FAM83F: variants seen among roughly 807,000 people sequenced by gnomAD.
The protein encoded by FAM83F is protein FAM83F.
A neutral mutation model predicts 42.9 loss-of-function variants in FAM83F; 45 were observed. The observed-to-expected ratio is 1.05, with a 90% CI of 0.83 to 1.35. FAM83F has a LOEUF of 1.35. Among genes scored for constraint, FAM83F ranks in the 40% most tolerant of loss-of-function variants. The pLI, the probability that FAM83F is intolerant of heterozygous loss-of-function variation, is 0.00. For synonymous variants in FAM83F, 306 were observed against 298.3 expected (o/e 1.03, Z -0.27); for missense variants, 617 against 695.9 (o/e 0.89, Z 1.28).
rs754438147 is a variant in FAM83F, at chr22:40,030,783, C to T, written c.*1218C>T. ...CCGGCAGGGCGATGGGGGATCCAAG[C>T]CCTGTGGAAGAGCCATGCAGCGGAC... is the stretch of plus-strand genomic sequence containing the variant. On this transcript the variant is annotated 3_prime_UTR_variant, in exon 5 of 5. Transcript: ENST00000333407. 3.3e-5 allele frequency: 5 copies of T among 152,356 alleles called. No homozygotes were observed. Among genetic ancestry groups the T allele is most frequent in the Non-Finnish European group, 5.9e-5 (4 of 68,146 alleles). The allele number at this position is 152,356 out of a possible 1,614,324, so 9.4% of individuals were successfully genotyped here. A position where few individuals can be genotyped will look rare whatever the true frequency, so the allele number is the denominator to read the frequency against.
At chr22:40,019,026 G>A (rs1043131438) in intron 1 of FAM83F, 142 bp from the exon 2 acceptor site, 35 of 938,186 alleles carry the variant, frequency 3.7e-5, no homozygotes, top group Admixed American at 4.6e-5. Context: ...ATCGGGGGAC[G>A]TGGAACTCCA....
intron 1 of FAM83F, among the ~76,000 whole-genome samples, chr22:40,002,813 C>G (rs543008216): frequency 6.6e-6 from 1 of 152,328 alleles, no homozygotes; most frequent in Admixed American, 6.5e-5. Context: ...AAAGGGATTT[C>G]TCTGAAGAAG....
intron 3 of FAM83F, 147 bp downstream of exon 3, chr22:40,020,155 C>T: frequency 4.2e-6 from 5 of 1,199,464 alleles, no homozygotes; most frequent in Non-Finnish European, 5.6e-6. Context: ...CTGCCCAGTC[C>T]CTTCCCTCAA....
intron 1 of FAM83F, among the ~76,000 whole-genome samples, chr22:39,997,466 CT>C (rs2067377699): frequency 6.6e-6 from 1 of 152,228 alleles, no homozygotes; most frequent in African/African-American, 2.4e-5. Flanking sequence ...TTCCTGAGGG[CT>C]GACTGTGTGC....
chr22:40,015,293 T>G (rs1037096100), intron 1 of FAM83F, among the ~76,000 whole-genome samples: 10 of 152,194 alleles, frequency 6.6e-5, no homozygotes, highest in Non-Finnish European at 4.4e-5. Flanking sequence ...TACTAAGGCC[T>G]TCAGTGGATT....
At chr22:40,000,809 G>A (rs2067397122) in intron 1 of FAM83F, among the ~76,000 whole-genome samples, 1 of 152,016 alleles carries the variant, frequency 6.6e-6, no homozygotes, top group Non-Finnish European at 1.5e-5. Flanking sequence ...GGGGACAATT[G>A]ACTTTATCTA....
rs1407757398 is a variant in FAM83F at position 40,023,247 on chromosome 22, C to T, written c.1453+1284C>T. 6.6e-6 allele frequency among the ~76,000 whole-genome samples: 1 copy of T among 152,142 alleles called. No individual in the cohort carries two copies. The highest frequency in any genetic ancestry group is 2.4e-5 in the African/African-American group (1 of 41,424). ...AGGTCACAGGAAGTGGTAGTAAGGC[C>T]AGGATTCAAGACCAGGCATGGGCAC... is the stretch of plus-strand genomic sequence containing the variant. On this transcript the variant is annotated intron_variant, in intron 4 of 4. Coordinates refer to ENST00000333407, the MANE Select transcript of FAM83F (RefSeq NM_138435.4). This position sits in a 1 kb window ranked among gnomAD's most constrained non-coding sequence, Gnocchi z 4.1.
rs575537665 is a variant in FAM83F, at chr22:39,995,187, C to T, written c.145C>T (p.Arg49Trp). Residue 49 changes from arginine (R) to tryptophan (W), a missense_variant, in exon 1 of 5, where the codon CGG becomes TGG. Transcript: ENST00000333407. This position sits in a 1 kb window ranked among gnomAD's most constrained non-coding sequence, Gnocchi z 4.6. The stretch of plus-strand genomic sequence containing the variant: ...CGGCGGCGAGCAGGCCTACCGCGAG[C>T]GGCTCAAGGAGGAGCAGCTGCGGGA... ...LGGGEQAYRE[R>W]LKEEQLRDFL... 81 of 1,492,954 alleles carry T rather than the reference C, an allele frequency of 5.4e-5. No individual in the cohort carries two copies. The East Asian group carries it at 2.0e-3, about 36-fold the overall frequency. The allele number at this position is 1,492,954 out of a possible 1,614,324, so 92.5% of individuals were successfully genotyped here. A position where few individuals can be genotyped will look rare whatever the true frequency, so the allele number is the denominator to read the frequency against.
At chr22:40,017,231 T>TC (rs2067497329) in intron 1 of FAM83F, among the ~76,000 whole-genome samples, 1 of 147,780 alleles carries the variant, frequency 6.8e-6, no homozygotes, top group African/African-American at 2.5e-5. Flanking sequence ...CTTTCTTTTT[T>TC]TTTTTTTTTT....
At chr22:40,013,251 A>C (rs1347132302) in intron 1 of FAM83F, among the ~76,000 whole-genome samples, 1 of 152,124 alleles carries the variant, frequency 6.6e-6, no homozygotes, top group Non-Finnish European at 1.5e-5. Context: ...TTTCACATTT[A>C]AGTACTTAGC....
chr22:39,998,133 A>G (rs1031602078), intron 1 of FAM83F, among the ~76,000 whole-genome samples: 2 of 152,098 alleles, frequency 1.3e-5, no homozygotes, highest in African/African-American at 4.8e-5. Context: ...TTCCCTGGCC[A>G]TTAACTTAGA....
At chr22:40,016,642 T>TATTTTA (rs1400973616) in intron 1 of FAM83F, among the ~76,000 whole-genome samples, 1 of 152,082 alleles carries the variant, frequency 6.6e-6, no homozygotes, top group Non-Finnish European at 1.5e-5. Context: ...ACTGCTATTT[T>TATTTTA]ATTTTAATTT....
At position 40,040,128 on chromosome 22, in the gene FAM83F, T is replaced by G. The variant is rs2067644956; in HGVS notation, c.*10563T>G. On this transcript the variant is annotated 3_prime_UTR_variant, in exon 5 of 5. Coordinates refer to ENST00000333407, the MANE Select transcript of FAM83F (RefSeq NM_138435.4). ...AAAGAGGTGTATTTCTTTCCTTGAG[T>G]TTATAGGGGGTAAAGAGGATGGGGC... The G allele has an allele frequency of 6.6e-6, 1 of 152,016 alleles. No individual in the cohort carries two copies. Among genetic ancestry groups the G allele is most frequent in the South Asian group, 2.1e-4 (1 of 4,802 alleles). 9.4% of individuals were successfully genotyped at this position (152,016 alleles called of 1,614,324 possible). A position where few individuals can be genotyped will look rare whatever the true frequency, so the allele number is the denominator to read the frequency against.
At chr22:40,011,878 T>C (rs895924150) in intron 1 of FAM83F, among the ~76,000 whole-genome samples, 3 of 152,176 alleles carry the variant, frequency 2.0e-5, no homozygotes, top group Non-Finnish European at 2.9e-5. Flanking sequence ...TTCCCAGGGG[T>C]GCACGGCCAA....
chr22:40,001,007 G>A (rs949230242), intron 1 of FAM83F, among the ~76,000 whole-genome samples: 1 of 152,194 alleles, frequency 6.6e-6, no homozygotes, highest in Non-Finnish European at 1.5e-5. Context: ...ATTAAGGCTG[G>A]TGGATAATGG....
Position 40,029,080 on chromosome 22 carries a change from C to CGTGTGT in FAM83F, c.1454-388_1454-383dup, listed in dbSNP as rs55770640. ...GGTAGTGAGCGGCCTCTTGGCTAGA[C>CGTGTGT]GTGTGTGTGTGTGTGTGTGTGTGTG... On this transcript the variant is annotated intron_variant, in intron 4 of 4. Transcript: ENST00000333407. 1.8e-3 allele frequency among the ~76,000 whole-genome samples: 230 copies of CGTGTGT among 130,598 alleles called. 2 individuals carry two copies. The highest frequency in any genetic ancestry group is 2.4e-3 in the African/African-American group (84 of 34,646). 85.7% of individuals were successfully genotyped at this position (130,598 alleles called of 152,430 possible).
chr22:40,025,586 G>A (rs974249954), intron 4 of FAM83F, among the ~76,000 whole-genome samples: 2 of 152,114 alleles, frequency 1.3e-5, no homozygotes, highest in African/African-American at 4.8e-5. Context: ...GGTGGGAGGT[G>A]CCTATAATCC....
At chr22:40,016,294 A>G (rs536386809) in intron 1 of FAM83F, among the ~76,000 whole-genome samples, 1 of 151,996 alleles carries the variant, frequency 6.6e-6, no homozygotes, top group African/African-American at 2.4e-5. Flanking sequence ...CCTCAACCTC[A>G]TAGGCTCAAG....
Position 40,021,652 on chromosome 22 carries a change from T to G in FAM83F, c.1142T>G (p.Val381Gly). ...AGCTTCCTGAAAGACCTGGTTACGG[T>G]GGAGCAGGTGCTGCCCCCCGTGGAG... ...LESFLKDLVTVEQVLPPVEPI... is the reference protein window; with the variant it reads ...LESFLKDLVTGEQVLPPVEPI... Residue 381 changes from valine (V) to glycine (G), a missense_variant, in exon 4 of 5, where the codon GTG (valine) becomes GGG (glycine). Physicochemically the swap from Val to Gly is moderately radical, Grantham distance 109. Coordinates refer to ENST00000333407, the MANE Select transcript of FAM83F (RefSeq NM_138435.4). This position sits in a 1 kb window ranked among gnomAD's most constrained non-coding sequence, Gnocchi z 8.7. 1 of 1,605,888 alleles carries G rather than the reference T, an allele frequency of 6.2e-7. No individual in the cohort carries two copies. The highest frequency in any genetic ancestry group is 8.5e-7 in the Non-Finnish European group (1 of 1,174,102).
Sources: gnomAD v4.1 joint callset for allele counts (sites outside exome capture counted in the v4.1 genomes callset) on GRCh38, gnomAD v4.1.1 for gene constraint, Gnocchi (gnomAD v3.1) non-coding constraint, MANE v1.5 for transcripts, NCBI Gene and HGNC (gene_info 2026-07-23, HGNC 2026-07-21) for gene names.